NUP58: variants seen among roughly 807,000 people sequenced by gnomAD.
NUP58 encodes nucleoporin 58.
A neutral mutation model predicts 70.1 loss-of-function variants in NUP58; 17 were observed. The ratio of observed to expected loss-of-function variants is 0.24; its 90% CI spans 0.17 to 0.36. The LOEUF (loss-of-function observed/expected upper bound fraction) is 0.36, where lower values mean the gene tolerates loss of function less well. Among genes scored for constraint, NUP58 ranks in the 10% least tolerant of loss-of-function variants. NUP58 has a pLI of 1.00. For synonymous variants in NUP58, 275 were observed against 257.6 expected, an observed-to-expected ratio of 1.07 and a Z score of -0.65; for missense variants, 644 against 701.5, an observed-to-expected ratio of 0.92 and a Z score of 0.93.
chr13:25,316,921 A>G (rs2030956932), intron 6 of NUP58, among the ~76,000 whole-genome samples: 1 of 152,208 alleles, frequency 6.6e-6, no homozygotes, highest in South Asian at 2.1e-4. Context: ...AATTTTATAA[A>G]TATTTATGTA....
rs1446818468 is a variant in NUP58, at chr13:25,342,156, G to A, written c.*2022G>A. 1 of 152,530 alleles carries A rather than the reference G, an allele frequency of 6.6e-6. No individual in the cohort carries two copies. The highest frequency in any genetic ancestry group is 1.5e-5 in the Non-Finnish European group (1 of 68,014). The allele number at this position is 152,530 out of a possible 1,614,324, so 9.4% of individuals were successfully genotyped here. ...AGTTAGGGAAAATGTGTGATTTTGTGTTTTGAATTACTGTCAGAATTACAT... is the reference window on the plus strand; with the variant it reads ...AGTTAGGGAAAATGTGTGATTTTGTATTTTGAATTACTGTCAGAATTACAT... On this transcript the variant is annotated 3_prime_UTR_variant, in exon 16 of 16. Coordinates refer to ENST00000381736, the MANE Select transcript of NUP58 (RefSeq NM_014089.4).
intron 13 of NUP58, chr13:25,333,495 C>G: frequency 9.1e-6 from 9 of 985,348 alleles, no homozygotes; most frequent in Non-Finnish European, 1.1e-5. Flanking sequence ...AATTTATTAA[C>G]CTAAACAACC....
intron 13 of NUP58, chr13:25,333,622 G>T (rs2031684665): frequency 5.1e-6 from 5 of 985,194 alleles, no homozygotes; most frequent in Non-Finnish European, 6.0e-6. Context: ...GGTCTCCCAG[G>T]CCTTCCCAGT....
downstream of NUP58, among the ~76,000 whole-genome samples, chr13:25,346,155 C>T (rs76448127): frequency 8.5e-3 from 1,289 of 152,262 alleles, 15 homozygotes; most frequent in Middle Eastern, 0.034. Context: ...AGGATATTGT[C>T]TATACTCAAT....
chr13:25,302,093 T>C (rs1438752129), intron 1 of NUP58, among the ~76,000 whole-genome samples: 1 of 152,270 alleles, frequency 6.6e-6, no homozygotes, highest in Admixed American at 6.5e-5. Flanking sequence ...GGATGGGTTC[T>C]GTGCTGTGAG....
chr13:25,305,141 T>TG (rs371774112), intron 1 of NUP58, among the ~76,000 whole-genome samples: 89,973 of 118,656 alleles, frequency 0.76, 36,310 homozygotes, highest in Non-Finnish European at 0.89. Context: ...TTTTTTTTTT[T>TG]TTTTTTTTTT....
chr13:25,307,655 C>T, intron 1 of NUP58, 151 bp from the exon 2 acceptor site: 3 of 632,886 alleles, frequency 4.7e-6, no homozygotes, highest in Non-Finnish European at 5.1e-6. Flanking sequence ...ATTTATTTTT[C>T]TTTTTGGGTC....
chr13:25,342,371 C>T lies in NUP58; in HGVS notation c.*2237C>T, dbSNP rs2031983223. 1 of 152,390 alleles carries T rather than the reference C, an allele frequency of 6.6e-6. No individual in the cohort carries two copies. 9.4% of individuals were successfully genotyped at this position (152,390 alleles called of 1,614,324 possible). On this transcript the variant is annotated 3_prime_UTR_variant, in exon 16 of 16. Coordinates refer to ENST00000381736, the MANE Select transcript of NUP58 (RefSeq NM_014089.4). ...TTGTCTCCATTGTCTTTGTCCAGAG[C>T]CTATTATTATGGAAACAATAAAATT...
rs1302456527 is a variant in NUP58, at chr13:25,331,586, T to G, written c.1435+28T>G. 3 of 1,607,484 alleles carry G rather than the reference T, an allele frequency of 1.9e-6. 1 individual carries two copies. Among genetic ancestry groups the G allele is most frequent in the Middle Eastern group, 3.3e-4 (2 of 6,044 alleles). On this transcript the variant is annotated intron_variant, in intron 13 of 15. Coordinates refer to ENST00000381736, the MANE Select transcript of NUP58 (RefSeq NM_014089.4). ...CTGAACGCATTCAAGTTATAGCTTCTTACTGTTCCAATGCAGAACATTTAT... is the reference window on the plus strand; with the variant it reads ...CTGAACGCATTCAAGTTATAGCTTCGTACTGTTCCAATGCAGAACATTTAT...
intron 1 of NUP58, among the ~76,000 whole-genome samples, chr13:25,302,659 A>G (rs986520280): frequency 6.6e-6 from 1 of 152,170 alleles, no homozygotes; most frequent in Non-Finnish European, 1.5e-5. Flanking sequence ...TTTTTTTAAG[A>G]TAAAGGTGGA....
intron 1 of NUP58, among the ~76,000 whole-genome samples, chr13:25,304,478 T>TTATA (rs67019897): frequency 0.032 from 2,690 of 83,048 alleles, 49 homozygotes; most frequent in East Asian, 0.046. Context: ...GTTGTCAAGA[T>TTATA]TATATATATA....
At chr13:25,310,519 C>CTT (rs34548230) in intron 3 of NUP58, among the ~76,000 whole-genome samples, 5,264 of 53,232 alleles carry the variant, frequency 0.099, 298 homozygotes, top group East Asian at 0.2. Context: ...TGTGCCTGGC[C>CTT]TTTTTTTTTT....
chr13:25,320,466 A>C, intron 7 of NUP58, 64 bp from the exon 8 acceptor site: 1 of 1,154,638 alleles, frequency 8.7e-7, no homozygotes, highest in South Asian at 1.3e-5. Context: ...ATACTCTATT[A>C]AAACTCAGCT....
intron 3 of NUP58, among the ~76,000 whole-genome samples, chr13:25,310,439 C>T (rs1384395776): frequency 6.6e-6 from 1 of 150,772 alleles, no homozygotes; most frequent in Non-Finnish European, 1.5e-5. Flanking sequence ...AGGCTGGTCT[C>T]GAACTCCCAA....
intron 6 of NUP58, among the ~76,000 whole-genome samples, chr13:25,318,199 G>T (rs555254037): frequency 6.6e-6 from 1 of 152,072 alleles, no homozygotes; most frequent in South Asian, 2.1e-4. Flanking sequence ...ACAGTGGCAG[G>T]CACCTGTAAT....
rs1009207406 is a variant in NUP58 at position 25,337,170 on chromosome 13, A to G, written c.1534+136A>G. On this transcript the variant is annotated intron_variant, in intron 14 of 15. Coordinates refer to ENST00000381736, the MANE Select transcript of NUP58 (RefSeq NM_014089.4). ...TCCATCTGGCAAAAATGATTCTCAA[A>G]CATAATTATTGCTTTCTAATATTAG... 7.9e-5 allele frequency: 38 copies of G among 482,006 alleles called. 1 individual carries two copies. Among genetic ancestry groups the G allele is most frequent in the Non-Finnish European group, 1.0e-4 (28 of 277,294 alleles). The allele number at this position is 482,006 out of a possible 1,614,324, so 29.9% of individuals were successfully genotyped here.
At chr13:25,343,800 T>C (rs541165741), downstream of NUP58, among the ~76,000 whole-genome samples, 606 of 100,316 alleles carry the variant, frequency 6.0e-3, 5 homozygotes, top group African/African-American at 0.024. Flanking sequence ...ATTCCACATA[T>C]ATATGTATAT....
intron 11 of NUP58, 128 bp downstream of exon 11, chr13:25,327,162 A>T: frequency 1.7e-6 from 1 of 603,184 alleles, no homozygotes; most frequent in Non-Finnish European, 3.0e-6. Context: ...GTCATTTACT[A>T]CTCCTTTATT....
chr13:25,312,824 C>A, intron 3 of NUP58, 59 bp from the exon 4 acceptor site: 1 of 1,498,586 alleles, frequency 6.7e-7, no homozygotes, highest in Non-Finnish European at 9.0e-7. Context: ...TATAATAGAA[C>A]ACTTACAGGT....
Sources: gnomAD v4.1 joint callset for allele counts (sites outside exome capture counted in the v4.1 genomes callset) on GRCh38, gnomAD v4.1.1 for gene constraint, MANE v1.5 for transcripts, NCBI Gene and HGNC (gene_info 2026-07-23, HGNC 2026-07-21) for gene names.